Variants in RASA1 observed in about 807,000 individuals in gnomAD.
RASA1 encodes the protein RAS p21 protein activator 1.
A neutral mutation model predicts 132.2 loss-of-function variants in RASA1; 25 were observed. The observed-to-expected ratio is 0.19, with a 90% CI of 0.14 to 0.26. The LOEUF (loss-of-function observed/expected upper bound fraction) is 0.26, where lower values mean the gene tolerates loss of function less well. RASA1 is among the 10% of genes least tolerant of loss of function. The probability of loss-of-function intolerance (pLI) is 1.00; values close to 1 mark genes in which losing one functional copy is unlikely to be tolerated. For synonymous variants in RASA1, 477 were observed against 449.9 expected, an observed-to-expected ratio of 1.06 and a Z score of -0.76; for missense variants, 964 against 1,299.2, an observed-to-expected ratio of 0.74 and a Z score of 3.97.
Position 87,369,898 on chromosome 5 carries a change from G to A in RASA1, c.1696G>A (p.Glu566Lys), listed in dbSNP as rs759557201. ...YFAGETPEQA[E>K]DWMKGLQAFC... is the part of the protein sequence containing the mutation. ...TGCAGGAGAAACTCCAGAACAAGCA[G>A]AGGTAAGATTACTGTTTCTCAAACT... Residue 566 changes from glutamate (E) to lysine (K), a missense_variant and splice_region_variant, in exon 12 of 25, where the codon GAG becomes AAG. This residue lies in a region of RASA1 where 346 missense variants were observed against 520.1 expected (regional missense o/e 0.67). Transcript: ENST00000274376. The A allele has an allele frequency of 6.2e-7, 1 of 1,602,698 alleles. No homozygotes were observed. The highest frequency in any genetic ancestry group is 8.5e-7 in the Non-Finnish European group (1 of 1,170,250).
rs1292631667 is a variant in RASA1, at chr5:87,390,908, T to C, written c.*25T>C. ...GCAGCCTTCGCCCCAGTGTTCTGCA[T>C]GGATTCAGCATGTCCAACATGGTAA... On this transcript the variant is annotated 3_prime_UTR_variant, in exon 25 of 25. Transcript: ENST00000274376. 2 of 1,575,308 alleles carry C rather than the reference T, an allele frequency of 1.3e-6. No individual in the cohort carries two copies. Among genetic ancestry groups the C allele is most frequent in the South Asian group, 1.1e-5 (1 of 90,254 alleles).
intron 8 of RASA1, among the ~76,000 whole-genome samples, chr5:87,351,230 C>A (rs1386065229): frequency 6.6e-6 from 1 of 150,680 alleles, no homozygotes; most frequent in East Asian, 1.9e-4. Context: ...ATTCAGCAGC[C>A]ATTTATCGAC....
chr5:87,344,763 C>T (rs558671446), intron 6 of RASA1, among the ~76,000 whole-genome samples: 2 of 150,888 alleles, frequency 1.3e-5, no homozygotes, highest in Admixed American at 1.3e-4. Context: ...AAGTGATCCT[C>T]CCACCTTGGC....
At chr5:87,329,171 G>T (rs529172205) in intron 1 of RASA1, among the ~76,000 whole-genome samples, 3 of 152,016 alleles carry the variant, frequency 2.0e-5, no homozygotes, top group East Asian at 3.9e-4. Flanking sequence ...TCGACTCGGT[G>T]TGGTGGCTCA....
intron 1 of RASA1, among the ~76,000 whole-genome samples, chr5:87,303,887 C>T (rs1755491120): frequency 6.8e-6 from 1 of 146,354 alleles, no homozygotes; most frequent in Admixed American, 6.9e-5. Context: ...GTCGCCCAAG[C>T]TGGAGGCGCG....
chr5:87,331,752 A>T (rs1162622759), intron 2 of RASA1, among the ~76,000 whole-genome samples: 2 of 152,200 alleles, frequency 1.3e-5, no homozygotes, highest in Non-Finnish European at 1.5e-5. Flanking sequence ...AAGTATAAAG[A>T]ATTACAAATA....
chr5:87,302,651 G>T (rs183642164), intron 1 of RASA1, among the ~76,000 whole-genome samples: 6 of 148,380 alleles, frequency 4.0e-5, no homozygotes, highest in African/African-American at 1.5e-4. Flanking sequence ...AGTGTTCAAC[G>T]CAATGAGTTT....
At chr5:87,269,053 G>C in intron 1 of RASA1, 63 bp downstream of exon 1, 1 of 1,614,182 alleles carries the variant, frequency 6.2e-7, no homozygotes, top group East Asian at 2.2e-5. Context: ...TGGAAATGAA[G>C]GGGTAAATCA....
chr5:87,293,823 ATTTCATTTAGCTTTGCAAATTTGTGGGC>A (rs1755006680), intron 1 of RASA1, among the ~76,000 whole-genome samples: 1 of 151,982 alleles, frequency 6.6e-6, no homozygotes. Flanking sequence ...TAGTTGCTCC[ATTTCATTTAGCTTTGCAAATTTGTGGGC>A]GTAGATTTAT....
At chr5:87,272,235 T>C (rs1753877058) in intron 1 of RASA1, among the ~76,000 whole-genome samples, 1 of 152,186 alleles carries the variant, frequency 6.6e-6, no homozygotes, top group Non-Finnish European at 1.5e-5. Context: ...TACATGTATT[T>C]GGAAATAAAA....
At chr5:87,290,771 A>G (rs540350954) in intron 1 of RASA1, among the ~76,000 whole-genome samples, 100 of 152,154 alleles carry the variant, frequency 6.6e-4, no homozygotes, top group African/African-American at 2.3e-3. Context: ...GGCTTCTTTC[A>G]CTAAATAACA....
chr5:87,339,545 CT>C (rs1758286897), intron 5 of RASA1, among the ~76,000 whole-genome samples: 1 of 152,094 alleles, frequency 6.6e-6, no homozygotes, highest in Admixed American at 6.6e-5. Context: ...TATAGTTGAA[CT>C]TTTCTTGAGC....
At chr5:87,298,749 C>T (rs1332313827) in intron 1 of RASA1, among the ~76,000 whole-genome samples, 1 of 152,004 alleles carries the variant, frequency 6.6e-6, no homozygotes, top group East Asian at 1.9e-4. Flanking sequence ...TCAATATTTG[C>T]TGATGTATTT....
intron 18 of RASA1, 108 bp from the exon 19 acceptor site, chr5:87,379,627 G>A (rs1400451354): frequency 1.4e-6 from 2 of 1,446,258 alleles, no homozygotes; most frequent in Non-Finnish European, 1.9e-6. Flanking sequence ...TACACACAGA[G>A]ATACCGAAAA....
chr5:87,270,241 CAAAA>C (rs112792931), intron 1 of RASA1, among the ~76,000 whole-genome samples: 1 of 60,008 alleles, frequency 1.7e-5, no homozygotes, highest in Non-Finnish European at 3.6e-5. Context: ...GACTCTGTCT[CAAAA>C]AAAAAAAAAA....
intron 21 of RASA1, among the ~76,000 whole-genome samples, chr5:87,384,767 C>A (rs1761951757): frequency 6.6e-6 from 1 of 152,098 alleles, no homozygotes; most frequent in Admixed American, 6.5e-5. Context: ...TGCTTCCTGA[C>A]TTACCTTTAA....
chr5:87,287,332 CACACCATATATAT>C (rs1754657849), intron 1 of RASA1, among the ~76,000 whole-genome samples: 1 of 144,484 alleles, frequency 6.9e-6, no homozygotes, highest in Admixed American at 6.9e-5. Flanking sequence ...ACCATATATA[CACACCATATATAT>C]ACCATATATA....
chr5:87,367,098 A>AT (rs200051325), intron 11 of RASA1, among the ~76,000 whole-genome samples: 8 of 152,100 alleles, frequency 5.3e-5, no homozygotes, highest in South Asian at 2.1e-4. Context: ...ATTATTAACT[A>AT]TTTTTTTTAA....
At chr5:87,328,152 T>G (rs564271574) in intron 1 of RASA1, among the ~76,000 whole-genome samples, 2 of 152,358 alleles carry the variant, frequency 1.3e-5, no homozygotes, top group East Asian at 3.9e-4. Context: ...TATTGCTATG[T>G]GCCAGGTATA....
Sources: gnomAD v4.1 joint callset for allele counts (sites outside exome capture counted in the v4.1 genomes callset) on GRCh38, gnomAD v4.1.1 for gene constraint, gnomAD v4.1.1 regional missense constraint, MANE v1.5 for transcripts, NCBI Gene and HGNC (gene_info 2026-07-23, HGNC 2026-07-21) for gene names.